Variants in SYNJ1 observed in about 807,000 individuals in gnomAD.
SYNJ1 encodes the protein polyphosphatidylinositol phosphatase SYNJ1.
A neutral mutation model predicts 168.2 loss-of-function variants in SYNJ1; 78 were observed. The ratio of observed to expected loss-of-function variants is 0.46; its 90% CI spans 0.39 to 0.56. The LOEUF (loss-of-function observed/expected upper bound fraction) is 0.56, where lower values mean the gene tolerates loss of function less well. Ranked by LOEUF, SYNJ1 falls within the 20% of genes least tolerant of loss-of-function variation. The pLI is 0.00. For synonymous variants in SYNJ1, 539 were observed against 548.6 expected (o/e 0.98, Z 0.24); for missense variants, 1,303 against 1,597.6 (o/e 0.82, Z 3.14).
At chr21:32,670,704 GAGAGAGAA>G in intron 14 of SYNJ1, 1 of 757,390 alleles carries the variant, frequency 1.3e-6, no homozygotes, top group East Asian at 1.3e-4. Context: ...CATAAAACTG[GAGAGAGAA>G]ATTATTCAGA....
chr21:32,716,640 T>C (rs1038586342), intron 2 of SYNJ1, among the ~76,000 whole-genome samples: 1 of 152,270 alleles, frequency 6.6e-6, no homozygotes, highest in Non-Finnish European at 1.5e-5. Context: ...TATAGTGTTC[T>C]GCTTTATGTT....
At position 32,631,469 on chromosome 21, in the gene SYNJ1, T is replaced by C. The variant is rs767931557; in HGVS notation, c.*336A>G. On this transcript the variant is annotated 3_prime_UTR_variant, in exon 33 of 33. Transcript: ENST00000674351. ...CTGATTCTTCAGACTTGGCTCTAAA[T>C]GGGTTTCCAGGAGCAGCAGTCCTGT... 2 of 1,614,022 alleles carry C rather than the reference T, an allele frequency of 1.2e-6. No homozygotes were observed. The highest frequency in any genetic ancestry group is 1.6e-4 in the Middle Eastern group (1 of 6,084).
At chr21:32,633,024 C>CA (rs1474750107) in intron 32 of SYNJ1, among the ~76,000 whole-genome samples, 3 of 151,894 alleles carry the variant, frequency 2.0e-5, no homozygotes, top group African/African-American at 7.3e-5. Context: ...CCTCAAAAAA[C>CA]AAAAAACAAA....
chr21:32,700,046 G>C lies in SYNJ1; in HGVS notation c.271C>G (p.Gln91Glu), dbSNP rs780321643. 1 of 1,614,140 alleles carries C rather than the reference G, an allele frequency of 6.2e-7. No individual in the cohort carries two copies. Among genetic ancestry groups the C allele is most frequent in the East Asian group, 2.2e-5 (1 of 44,872 alleles). ...VTGCMSVGKI[Q>E]ESEVFRVTST... ...GTAACTCGGAAAACTTCAGATTCTT[G>C]AATTTTTCCAACAGACATACATCCA... The change falls in exon 4 of 33, where the codon CAA becomes GAA. Residue 91 changes from glutamine (Q) to glutamate (E), a missense_variant. By Grantham distance (29) the Gln-to-Glu change is conservative. Coordinates refer to ENST00000674351, the MANE Select transcript of SYNJ1 (RefSeq NM_203446.3).
chr21:32,694,206 T>G (rs1264702230), intron 6 of SYNJ1, 22 bp downstream of exon 6: 6 of 1,506,638 alleles, frequency 4.0e-6, no homozygotes, highest in Non-Finnish European at 5.3e-6. Flanking sequence ...AAAACAAAAA[T>G]AACTGAATGT....
At position 32,631,683 on chromosome 21, in the gene SYNJ1, G is replaced by A. The variant is rs1444046685; in HGVS notation, c.*122C>T. The A allele has an allele frequency of 6.2e-7, 1 of 1,614,228 alleles. No homozygotes were observed. The highest frequency in any genetic ancestry group is 2.2e-5 in the East Asian group (1 of 44,890). On this transcript the variant is annotated 3_prime_UTR_variant, in exon 33 of 33. Coordinates refer to ENST00000674351, the MANE Select transcript of SYNJ1 (RefSeq NM_203446.3). ...CTTTGGGTCTGGGGTGGGAACAGGT[G>A]ACGTTTGAACAGATAGCTGAGCCTT... is the stretch of plus-strand genomic sequence containing the variant.
chr21:32,692,447 C>T (rs542316525), intron 6 of SYNJ1, among the ~76,000 whole-genome samples: 8 of 151,978 alleles, frequency 5.3e-5, no homozygotes, highest in Admixed American at 2.0e-4. Flanking sequence ...TGTGGTGGCA[C>T]GCGCCTATAG....
intron 23 of SYNJ1, among the ~76,000 whole-genome samples, chr21:32,646,864 G>A (rs1481586134): frequency 6.6e-6 from 1 of 152,114 alleles, no homozygotes; most frequent in African/African-American, 2.4e-5. Context: ...GACCCAATGG[G>A]CTTTCAATAT....
At chr21:32,726,556 A>C (rs1202766864) in intron 2 of SYNJ1, among the ~76,000 whole-genome samples, 1 of 152,202 alleles carries the variant, frequency 6.6e-6, no homozygotes, top group East Asian at 1.9e-4. Context: ...AAAATCCTGC[A>C]ACCAAAACCT....
chr21:32,641,882 G>C lies in SYNJ1; in HGVS notation c.3588+14C>G. The C allele has an allele frequency of 6.3e-7, 1 of 1,598,538 alleles. No individual in the cohort carries two copies. The highest frequency in any genetic ancestry group is 8.5e-7 in the Non-Finnish European group (1 of 1,171,430). Reference sequence around the variant, plus strand: ...GAACCGAGACCCCTTGGCCCCAGGCGAGGTTTTACCTACCGGTCTGGCTGT... The same window carrying C: ...GAACCGAGACCCCTTGGCCCCAGGCCAGGTTTTACCTACCGGTCTGGCTGT... On this transcript the variant is annotated intron_variant, in intron 29 of 32. Coordinates refer to ENST00000674351, the MANE Select transcript of SYNJ1 (RefSeq NM_203446.3).
intron 24 of SYNJ1, 77 bp from the exon 25 acceptor site, chr21:32,645,866 G>A: frequency 6.6e-7 from 1 of 1,509,778 alleles, no homozygotes; most frequent in Non-Finnish European, 8.9e-7. Context: ...TCATATATAT[G>A]TGTAATGTTC....
chr21:32,703,720 G>GTTTTAT (rs943595870), intron 2 of SYNJ1, among the ~76,000 whole-genome samples: 11 of 151,690 alleles, frequency 7.3e-5, no homozygotes, highest in African/African-American at 9.7e-5. Flanking sequence ...AGAAAATATA[G>GTTTTAT]TTTTATTTTT....
intron 2 of SYNJ1, among the ~76,000 whole-genome samples, chr21:32,723,556 G>T (rs1485996007): frequency 6.6e-6 from 1 of 152,172 alleles, no homozygotes; most frequent in African/African-American, 2.4e-5. Context: ...AGTGGCTCAC[G>T]CCTGTAATCC....
chr21:32,657,062 C>T lies in SYNJ1; in HGVS notation c.2520G>A (p.Thr840=), dbSNP rs746832641. Reference sequence around the variant, plus strand: ...AGTGCAGCAAAGTGCCTGGAGTCCACGTGTACAGAATTTTGCTTTCATCTT... The same window carrying T: ...AGTGCAGCAAAGTGCCTGGAGTCCATGTGTACAGAATTTTGCTTTCATCTT... ...SFQDESKILY[T]WTPGTLLHYG... The change falls in exon 20 of 33, where the codon ACG becomes ACA. Residue 840 remains threonine (T), a synonymous_variant. Coordinates refer to ENST00000674351, the MANE Select transcript of SYNJ1 (RefSeq NM_203446.3). 17 of 1,614,022 alleles carry T rather than the reference C, an allele frequency of 1.1e-5. No individual in the cohort carries two copies. The highest frequency in any genetic ancestry group is 5.5e-5 in the South Asian group (5 of 91,094).
At chr21:32,653,572 T>C in intron 21 of SYNJ1, 1 of 499,558 alleles carries the variant, frequency 2.0e-6, no homozygotes, top group Non-Finnish European at 3.6e-6. Flanking sequence ...AATACTATGT[T>C]AATGGAACAG....
At chr21:32,722,201 A>ATATAT (rs1321667736) in intron 2 of SYNJ1, among the ~76,000 whole-genome samples, 2 of 113,868 alleles carry the variant, frequency 1.8e-5, no homozygotes, top group African/African-American at 3.9e-5. Context: ...AAAAAAAAAA[A>ATATAT]AAAAATATAT....
intron 14 of SYNJ1, among the ~76,000 whole-genome samples, chr21:32,672,222 A>T (rs1299399088): frequency 6.6e-6 from 1 of 151,892 alleles, no homozygotes; most frequent in Non-Finnish European, 1.5e-5. Flanking sequence ...TATACACATC[A>T]CCCTCACATA....
intron 26 of SYNJ1, among the ~76,000 whole-genome samples, chr21:32,644,334 C>T (rs2039973843): frequency 6.6e-6 from 1 of 152,212 alleles, no homozygotes; most frequent in South Asian, 2.1e-4. Flanking sequence ...GTAGTAAGAC[C>T]TGAATTGCTC....
intron 29 of SYNJ1, among the ~76,000 whole-genome samples, chr21:32,640,546 C>T (rs557057595): frequency 2.2e-3 from 332 of 152,254 alleles, no homozygotes; most frequent in African/African-American, 7.6e-3. Flanking sequence ...CCACCCGCCT[C>T]GGCCTCCCAA....
Sources: gnomAD v4.1 joint callset for allele counts (sites outside exome capture counted in the v4.1 genomes callset) on GRCh38, gnomAD v4.1.1 for gene constraint, MANE v1.5 for transcripts, NCBI Gene and HGNC (gene_info 2026-07-23, HGNC 2026-07-21) for gene names.